ESR1: variants seen among roughly 807,000 people sequenced by gnomAD.
ESR1 encodes the protein estrogen receptor 1.
A neutral mutation model predicts 52.7 loss-of-function variants in ESR1; 12 were observed. The observed-to-expected ratio is 0.23, with a 90% CI of 0.15 to 0.37. The LOEUF (loss-of-function observed/expected upper bound fraction) is 0.37, where lower values mean the gene tolerates loss of function less well. ESR1 is among the 10% of genes least tolerant of loss of function. The probability of loss-of-function intolerance (pLI) is 1.00; values close to 1 mark genes in which losing one functional copy is unlikely to be tolerated. For synonymous variants in ESR1, 305 were observed against 316.8 expected (o/e 0.96, Z 0.39); for missense variants, 584 against 779.7 (o/e 0.75, Z 2.99).
At chr6:151,728,167 G>T (rs117497871) in intron 2 of ESR1, among the ~76,000 whole-genome samples, 3,006 of 152,268 alleles carry the variant, frequency 0.02, 37 homozygotes, top group East Asian at 0.03. Flanking sequence ...TTATGTGGCA[G>T]GGGACCTTAG....
chr6:152,071,659 A>G (rs1299505831), intron 6 of ESR1, among the ~76,000 whole-genome samples: 1 of 152,220 alleles, frequency 6.6e-6, no homozygotes, highest in Non-Finnish European at 1.5e-5. Context: ...TTATATTTAC[A>G]TATTCTAATT....
At chr6:151,772,109 A>C (rs896651748) in intron 2 of ESR1, among the ~76,000 whole-genome samples, 1 of 152,222 alleles carries the variant, frequency 6.6e-6, no homozygotes, top group African/African-American at 2.4e-5. Flanking sequence ...TGGTAAAGCA[A>C]GCAATGTGGG....
chr6:151,731,834 G>A (rs1162099313), intron 2 of ESR1, among the ~76,000 whole-genome samples: 2 of 152,176 alleles, frequency 1.3e-5, no homozygotes, highest in African/African-American at 4.8e-5. Flanking sequence ...TAAATCTACA[G>A]TTATGTCTTG....
intron 6 of ESR1, among the ~76,000 whole-genome samples, chr6:152,114,892 A>G (rs1332017796): frequency 2.5e-5 from 2 of 81,036 alleles, no homozygotes; most frequent in African/African-American, 1.1e-4. Flanking sequence ...CTCCGTCTCA[A>G]AAAAAAAAAA....
At chr6:151,786,275 TA>T (rs1787010479) in intron 2 of ESR1, among the ~76,000 whole-genome samples, 2 of 152,128 alleles carry the variant, frequency 1.3e-5, no homozygotes, top group South Asian at 4.1e-4. Flanking sequence ...ACCTCCAAAA[TA>T]AGAGGTCTTT....
intron 2 of ESR1, among the ~76,000 whole-genome samples, chr6:151,747,677 CCTTT>C (rs1783583947): frequency 6.6e-6 from 1 of 152,116 alleles, no homozygotes; most frequent in Admixed American, 6.5e-5. Context: ...ACAATTAATT[CCTTT>C]CTGTCTCCAT....
At chr6:151,907,173 A>C (rs1258905300) in intron 3 of ESR1, among the ~76,000 whole-genome samples, 1 of 152,050 alleles carries the variant, frequency 6.6e-6, no homozygotes, top group Non-Finnish European at 1.5e-5. Flanking sequence ...ATAATCCTTG[A>C]AAGGGACTTT....
chr6:151,949,353 A>T (rs2036072334), intron 4 of ESR1, among the ~76,000 whole-genome samples: 1 of 152,202 alleles, frequency 6.6e-6, no homozygotes, highest in Non-Finnish European at 1.5e-5. Flanking sequence ...AACACACTCA[A>T]TTCTGGGAGG....
In ESR1 at chr6:152,100,403, C is replaced by G. The variant is rs993420405; in HGVS notation, c.*1437C>G. On this transcript the variant is annotated 3_prime_UTR_variant, in exon 8 of 8. Transcript: ENST00000206249. ...GGTTTGGTTTGGGGAAGAAAATCCT[C>G]CCCCTTCCTCCCCCGCCCCGTTCCC... 7 of 286,940 alleles carry G rather than the reference C, an allele frequency of 2.4e-5. No individual in the cohort carries two copies. Among genetic ancestry groups the G allele is most frequent in the Admixed American group, 1.0e-4 (2 of 19,164 alleles). The allele number at this position is 286,940 out of a possible 1,614,324, so 17.8% of individuals were successfully genotyped here. A position where few individuals can be genotyped will look rare whatever the true frequency, so the allele number is the denominator to read the frequency against.
rs761262219 is a variant in ESR1, at chr6:151,900,485, C to T, written c.760+19714C>T. 5.1e-4 allele frequency among the ~76,000 whole-genome samples: 77 copies of T among 152,156 alleles called. 1 individual carries two copies. The highest frequency in any genetic ancestry group is 1.2e-3 in the East Asian group (6 of 5,170). On this transcript the variant is annotated intron_variant, in intron 3 of 7. Transcript: ENST00000206249. ...TTGGCTTGGATCCATTGCTGGTGAG[C>T]TAGTGTGATTTTTTGAGGGGTATTA...
intron 2 of ESR1, among the ~76,000 whole-genome samples, chr6:151,748,402 A>G (rs1437490327): frequency 6.6e-6 from 1 of 152,210 alleles, no homozygotes; most frequent in Non-Finnish European, 1.5e-5. Flanking sequence ...AGCAATTGCT[A>G]TAGAACAGGT....
intron 2 of ESR1, among the ~76,000 whole-genome samples, chr6:151,733,987 G>T (rs2128044536): frequency 6.6e-6 from 1 of 152,264 alleles, no homozygotes; most frequent in African/African-American, 2.4e-5. Flanking sequence ...TAATTGGGTT[G>T]TCCCTCCTAC....
intron 2 of ESR1, among the ~76,000 whole-genome samples, chr6:151,702,997 A>C (rs1483831905): frequency 6.6e-6 from 1 of 152,218 alleles, no homozygotes; most frequent in Non-Finnish European, 1.5e-5. Flanking sequence ...TGCACTTTTA[A>C]AAATATAACC....
intron 1 of ESR1, among the ~76,000 whole-genome samples, chr6:151,672,763 A>G (rs1778112710): frequency 9.5e-6 from 1 of 105,818 alleles, no homozygotes; most frequent in Non-Finnish European, 1.9e-5. Context: ...GTGAGCCACC[A>G]TGCCCGCCCT....
chr6:151,986,993 T>C (rs1172808662), intron 4 of ESR1, among the ~76,000 whole-genome samples: 1 of 151,974 alleles, frequency 6.6e-6, no homozygotes, highest in Non-Finnish European at 1.5e-5. Context: ...TTTAGAAAGA[T>C]TGGTTACAAC....
intron 6 of ESR1, among the ~76,000 whole-genome samples, chr6:152,066,214 G>C (rs979973477): frequency 4.6e-5 from 7 of 152,102 alleles, no homozygotes; most frequent in African/African-American, 1.7e-4. Flanking sequence ...GGAAGTATTT[G>C]TTTCATGCTT....
rs1411682286 is a variant in ESR1, at chr6:152,030,452, G to A, written c.1235+18658G>A. Among the ~76,000 whole-genome samples the A allele has an allele frequency of 3.3e-5, 5 of 152,070 alleles. No individual in the cohort carries two copies. In the East Asian group the frequency reaches 9.7e-4, roughly 29 times the overall value. ...AAAGGGATGGAGGAAAATCTACCAA[G>A]CAAATGGAAAACAAAAAAAGGCAGG... is the stretch of plus-strand genomic sequence containing the variant. On this transcript the variant is annotated intron_variant, in intron 5 of 7. Coordinates refer to ENST00000206249, the MANE Select transcript of ESR1 (RefSeq NM_000125.4).
At chr6:152,083,103 G>GA (rs138555265) in intron 6 of ESR1, among the ~76,000 whole-genome samples, 3 of 151,770 alleles carry the variant, frequency 2.0e-5, no homozygotes, top group South Asian at 2.1e-4. Flanking sequence ...CACAGACTTG[G>GA]AAAAAAACTA....
chr6:152,128,255 A>C (rs1401438181), exon 7 of ESR1: 2 of 152,244 alleles, frequency 1.3e-5, no homozygotes, highest in Admixed American at 6.5e-5. Flanking sequence ...TTTAACCTCA[A>C]ATAACAGTCA....
Sources: allele counts gnomAD v4.1 joint callset (sites outside exome capture counted in the v4.1 genomes callset), GRCh38; gene constraint gnomAD v4.1.1; transcripts MANE v1.5; gene names NCBI Gene and HGNC (gene_info 2026-07-23, HGNC 2026-07-21).